ZHX2: variants seen among roughly 807,000 people sequenced by gnomAD.
The protein encoded by ZHX2 is zinc fingers and homeoboxes 2.
ZHX2 carries 6 observed loss-of-function variants against 21.9 expected under a neutral mutation model. The observed-to-expected ratio is 0.27, with a 90% CI of 0.15 to 0.54. ZHX2 has a LOEUF of 0.54. Among genes scored for constraint, ZHX2 ranks in the 20% least tolerant of loss-of-function variants. ZHX2 has a pLI of 0.95. For synonymous variants in ZHX2, 434 were observed against 437.1 expected (o/e 0.99, Z 0.09); for missense variants, 908 against 1,090.7 (o/e 0.83, Z 2.36).
rs143325107 is a variant in ZHX2 at position 122,945,533 on chromosome 8, G to A, written c.-219-5759G>A. On this transcript the variant is annotated intron_variant, in intron 2 of 3. Transcript: ENST00000314393. ...TCATTATGGTTAGGGTTTCTTTGAG[G>A]GGCATAGCAAATGCTGCAGTGGATA... Among the ~76,000 whole-genome samples, 443 of 151,300 alleles carry A rather than the reference G, an allele frequency of 2.9e-3. 8 individuals are homozygous for A. The highest frequency in any genetic ancestry group is 0.02 in the Admixed American group (309 of 15,200).
At chr8:122,848,372 G>A (rs1818804163) in intron 1 of ZHX2, among the ~76,000 whole-genome samples, 1 of 152,132 alleles carries the variant, frequency 6.6e-6, no homozygotes, top group African/African-American at 2.4e-5. Flanking sequence ...TTTGCTTCTT[G>A]CTCTCCCCCA....
intron 1 of ZHX2, among the ~76,000 whole-genome samples, chr8:122,819,462 A>G (rs2130632225): frequency 6.6e-6 from 1 of 152,270 alleles, no homozygotes; most frequent in Admixed American, 6.5e-5. Flanking sequence ...AAGGCTTTTT[A>G]GAAGAAGGAC....
intron 1 of ZHX2, among the ~76,000 whole-genome samples, chr8:122,804,160 G>C (rs189641348): frequency 1.1e-3 from 160 of 152,284 alleles, no homozygotes; most frequent in Non-Finnish European, 1.9e-3. Context: ...CCAGGCTGCA[G>C]TGCAGTGGCA....
chr8:122,869,520 G>A (rs12678587), intron 2 of ZHX2, among the ~76,000 whole-genome samples: 36,112 of 152,006 alleles, frequency 0.24, 5,226 homozygotes, highest in East Asian at 0.38. Flanking sequence ...GGGGGACACC[G>A]TGGGGCTGGA....
intron 2 of ZHX2, among the ~76,000 whole-genome samples, chr8:122,897,356 T>C (rs1016053401): frequency 6.6e-6 from 1 of 152,252 alleles, no homozygotes; most frequent in Non-Finnish European, 1.5e-5. Context: ...CATGAGTTAG[T>C]GCTTTTGAGC....
At chr8:122,785,090 C>T (rs1329250121) in intron 1 of ZHX2, among the ~76,000 whole-genome samples, 5 of 152,230 alleles carry the variant, frequency 3.3e-5, no homozygotes, top group Non-Finnish European at 7.3e-5. Context: ...ATTGAGAAAA[C>T]TAACCACTGT....
chr8:122,956,127 G>A (rs145820477), intron 3 of ZHX2, among the ~76,000 whole-genome samples: 4,812 of 152,202 alleles, frequency 0.032, 110 homozygotes, highest in Admixed American at 0.073. Flanking sequence ...TTACAGGCGT[G>A]AGCCACCACG....
intron 3 of ZHX2, among the ~76,000 whole-genome samples, chr8:122,960,614 A>G (rs1311019104): frequency 1.3e-5 from 2 of 152,184 alleles, no homozygotes; most frequent in Non-Finnish European, 1.5e-5. Flanking sequence ...ACCAACATGC[A>G]GGAGCATGCT....
At chr8:122,825,765 C>G (rs915016979) in intron 1 of ZHX2, among the ~76,000 whole-genome samples, 1 of 152,312 alleles carries the variant, frequency 6.6e-6, no homozygotes, top group Admixed American at 6.5e-5. Flanking sequence ...TTATCCTTCT[C>G]CATATGCAGG....
At chr8:122,791,270 A>G (rs912202220) in intron 1 of ZHX2, among the ~76,000 whole-genome samples, 1 of 152,174 alleles carries the variant, frequency 6.6e-6, no homozygotes, top group Non-Finnish European at 1.5e-5. Context: ...CAGCAACCCT[A>G]CAGAGTAGAT....
chr8:122,952,563 G>C lies in ZHX2; in HGVS notation c.1053G>C (p.Gln351His). Residue 351 changes from glutamine to histidine, a missense_variant, in exon 3 of 4, where the codon CAG (glutamine) becomes CAC (histidine). Physicochemically the swap from Gln to His is conservative, Grantham distance 24. Transcript: ENST00000314393. The surrounding 1 kb of genome is among the most constrained non-coding windows in gnomAD (Gnocchi z 6.9). ...CGACCATCACTGTGCTGCCCGCCCAGTTGGCCCCCACAAAGGTGACGCAGC... is the reference window on the plus strand; with the variant it reads ...CGACCATCACTGTGCTGCCCGCCCACTTGGCCCCCACAAAGGTGACGCAGC... ...VPPTITVLPA[Q>H]LAPTKVTQPI... 3.7e-6 allele frequency: 6 copies of C among 1,614,150 alleles called. No homozygotes were observed. Among genetic ancestry groups the C allele is most frequent in the Non-Finnish European group, 5.1e-6 (6 of 1,180,034 alleles).
chr8:122,825,501 C>T (rs1818243873), intron 1 of ZHX2, among the ~76,000 whole-genome samples: 1 of 152,174 alleles, frequency 6.6e-6, no homozygotes, highest in African/African-American at 2.4e-5. Flanking sequence ...CCCTCCAAGT[C>T]CTAGTTTTCG....
In ZHX2 at chr8:122,802,997, G is replaced by A. The variant is rs530728767; in HGVS notation, c.-283+21051G>A. 6.6e-5 allele frequency among the ~76,000 whole-genome samples: 9 copies of A among 136,926 alleles called. No individual in the cohort carries two copies. The South Asian group carries it at 1.4e-3, about 21-fold the overall frequency. The allele number at this position is 136,926 out of a possible 152,430, so 89.8% of individuals were successfully genotyped here. ...CCAGTTAGCGCTCTAGGGGACCAGC[G>A]GGCGGCAGCACGAGATGTCTTTGGA... is the stretch of plus-strand genomic sequence containing the variant. On this transcript the variant is annotated intron_variant, in intron 1 of 3. Coordinates refer to ENST00000314393, the MANE Select transcript of ZHX2 (RefSeq NM_014943.5).
At chr8:122,962,742 G>A (rs1347130457) in intron 3 of ZHX2, among the ~76,000 whole-genome samples, 1 of 152,144 alleles carries the variant, frequency 6.6e-6, no homozygotes, top group Admixed American at 6.5e-5. Context: ...ATTTCCACCA[G>A]CATTGTAAAA....
At chr8:122,893,109 T>C (rs1820020347) in intron 2 of ZHX2, among the ~76,000 whole-genome samples, 1 of 152,182 alleles carries the variant, frequency 6.6e-6, no homozygotes, top group South Asian at 2.1e-4. Context: ...TCTTGAGTAG[T>C]TGGTTTTTGT....
chr8:122,785,655 G>T (rs1817379427), intron 1 of ZHX2, among the ~76,000 whole-genome samples: 1 of 152,216 alleles, frequency 6.6e-6, no homozygotes, highest in Non-Finnish European at 1.5e-5. Flanking sequence ...TTGCTGTCAT[G>T]AGCAAATTGG....
At chr8:122,901,598 G>T (rs1357240737) in intron 2 of ZHX2, among the ~76,000 whole-genome samples, 1 of 152,138 alleles carries the variant, frequency 6.6e-6, no homozygotes, top group Admixed American at 6.5e-5. Context: ...TAATTGTTGG[G>T]CAATGCTTCC....
intron 2 of ZHX2, among the ~76,000 whole-genome samples, chr8:122,872,471 G>A (rs1819464607): frequency 6.6e-6 from 1 of 152,216 alleles, no homozygotes; most frequent in African/African-American, 2.4e-5. Flanking sequence ...ACTATTAGGA[G>A]TGGACTCAGT....
chr8:122,838,332 A>G (rs1818548269), intron 1 of ZHX2, among the ~76,000 whole-genome samples: 1 of 152,144 alleles, frequency 6.6e-6, no homozygotes, highest in South Asian at 2.1e-4. Flanking sequence ...CCCTTTGTCT[A>G]TGTAAGAGAA....
Sources: gnomAD v4.1 joint callset for allele counts (sites outside exome capture counted in the v4.1 genomes callset) on GRCh38, gnomAD v4.1.1 for gene constraint, Gnocchi (gnomAD v3.1) non-coding constraint, MANE v1.5 for transcripts, NCBI Gene and HGNC (gene_info 2026-07-23, HGNC 2026-07-21) for gene names.